PKP4: variants seen among roughly 807,000 people sequenced by gnomAD.
PKP4 encodes plakophilin-4.
A neutral mutation model predicts 145.1 loss-of-function variants in PKP4; 90 were observed. The observed-to-expected ratio is 0.62, with a 90% CI of 0.52 to 0.74. The LOEUF (loss-of-function observed/expected upper bound fraction) is 0.74. PKP4 is among the 30% of genes least tolerant of loss of function. The pLI is 0.00. For missense variants in PKP4, 1,340 were observed against 1,482.7 expected, an observed-to-expected ratio of 0.90 and a Z score of 1.58; for synonymous variants, 563 against 577.2, an observed-to-expected ratio of 0.98 and a Z score of 0.35.
intron 1 of PKP4, among the ~76,000 whole-genome samples, chr2:158,514,672 G>T (rs1201753319): frequency 6.6e-6 from 1 of 152,178 alleles, no homozygotes; most frequent in Non-Finnish European, 1.5e-5. Flanking sequence ...CGGGTGTGGT[G>T]GCTCACGCCT....
intron 2 of PKP4, among the ~76,000 whole-genome samples, chr2:158,567,174 T>C (rs2047058579): frequency 6.6e-6 from 1 of 152,160 alleles, no homozygotes; most frequent in South Asian, 2.1e-4. Context: ...AAATATAGAT[T>C]CCACTCTTCT....
intron 4 of PKP4, among the ~76,000 whole-genome samples, chr2:158,608,722 T>C: frequency 6.6e-6 from 1 of 152,076 alleles, no homozygotes; most frequent in East Asian, 1.9e-4. Context: ...ACATTTAAAT[T>C]GTAACCATGG....
intron 17 of PKP4, 100 bp from the exon 18 acceptor site, chr2:158,673,577 G>C: frequency 1.2e-6 from 1 of 850,176 alleles, no homozygotes. Context: ...GTGGCCCTGA[G>C]AGCGATGGCC....
chr2:158,495,490 A>G (rs1253678959), intron 1 of PKP4, among the ~76,000 whole-genome samples: 2 of 152,104 alleles, frequency 1.3e-5, no homozygotes, highest in Non-Finnish European at 2.9e-5. Flanking sequence ...TCTAAATATT[A>G]GTACATCAGA....
intron 1 of PKP4, among the ~76,000 whole-genome samples, chr2:158,520,706 G>GC (rs932894020): frequency 6.6e-6 from 1 of 152,226 alleles, no homozygotes; most frequent in African/African-American, 2.4e-5. Flanking sequence ...TGAGATCACA[G>GC]CCCCCTCTCT....
intron 3 of PKP4, among the ~76,000 whole-genome samples, chr2:158,601,223 A>AT (rs2050198771): frequency 6.6e-6 from 1 of 152,344 alleles, no homozygotes; most frequent in East Asian, 1.9e-4. Flanking sequence ...AGTTTTGAGG[A>AT]TAAAAAGTCT....
intron 2 of PKP4, 40 bp from the exon 3 acceptor site, chr2:158,577,231 C>A: frequency 7.8e-7 from 1 of 1,281,700 alleles, no homozygotes; most frequent in Non-Finnish European, 1.1e-6. Flanking sequence ...GAGCAGCATA[C>A]CTTGGCGCCT....
chr2:158,523,630 G>T (rs2042651196), intron 1 of PKP4, among the ~76,000 whole-genome samples: 1 of 131,098 alleles, frequency 7.6e-6, no homozygotes, highest in Non-Finnish European at 1.6e-5. Flanking sequence ...AAGCTGGATG[G>T]AGAATGACTT....
chr2:158,513,040 T>C (rs2041647512), intron 1 of PKP4, among the ~76,000 whole-genome samples: 1 of 152,310 alleles, frequency 6.6e-6, no homozygotes, highest in Admixed American at 6.5e-5. Context: ...TTGTTTTTAC[T>C]TCTCTGGGGA....
intron 1 of PKP4, among the ~76,000 whole-genome samples, chr2:158,496,759 CGTGTGTGTGTGTGTGTGTGTGTGT>C: frequency 1.4e-5 from 2 of 144,958 alleles, no homozygotes; most frequent in Non-Finnish European, 3.0e-5. Flanking sequence ...CTTCTCTCTC[CGTGTGTGTGTGTGTGTGTGTGTGT>C]GTGTGTGTGT....
intron 2 of PKP4, among the ~76,000 whole-genome samples, chr2:158,545,273 C>A (rs995411404): frequency 6.6e-6 from 1 of 151,964 alleles, no homozygotes; most frequent in Admixed American, 6.6e-5. Flanking sequence ...TTTCCTGTTC[C>A]CTTAGCTTTG....
At chr2:158,642,775 A>G (rs1160387725) in intron 11 of PKP4, 76 bp downstream of exon 11, 6 of 1,067,914 alleles carry the variant, frequency 5.6e-6, no homozygotes, top group East Asian at 4.8e-5. Context: ...TAGTGGCACT[A>G]TGGAAGAGTT....
intron 2 of PKP4, among the ~76,000 whole-genome samples, chr2:158,562,174 A>C (rs1161963488): frequency 6.6e-6 from 1 of 152,210 alleles, no homozygotes; most frequent in Non-Finnish European, 1.5e-5. Flanking sequence ...AATTTGGCTT[A>C]AGTTTTGTAT....
At chr2:158,573,410 A>G (rs1393512800) in intron 2 of PKP4, among the ~76,000 whole-genome samples, 1 of 152,156 alleles carries the variant, frequency 6.6e-6, no homozygotes, top group Non-Finnish European at 1.5e-5. Context: ...CTAGGGAGGG[A>G]AGAAAAGAGA....
chr2:158,546,792 A>C (rs1182161632), intron 2 of PKP4, among the ~76,000 whole-genome samples: 1 of 152,192 alleles, frequency 6.6e-6, no homozygotes, highest in East Asian at 1.9e-4. Flanking sequence ...GAAATGCTGA[A>C]ATCTCAAAGT....
rs922460785 is a variant in PKP4, at chr2:158,675,487, A to C, written c.3128-1252A>C. ...TGACCTTGTTTTCAGGACCCCTTAA[A>C]TATACCTGCTGGACAGTGTTGGCTA... On this transcript the variant is annotated intron_variant, in intron 19 of 21. Transcript: ENST00000389759. Among the ~76,000 whole-genome samples, 5 of 152,308 alleles carry C rather than the reference A, an allele frequency of 3.3e-5. No individual in the cohort carries two copies. In the East Asian group the frequency reaches 9.6e-4, roughly 29 times the overall value.
chr2:158,574,940 G>GC (rs2047719865), intron 2 of PKP4, among the ~76,000 whole-genome samples: 1 of 152,166 alleles, frequency 6.6e-6, no homozygotes, highest in Non-Finnish European at 1.5e-5. Flanking sequence ...CTCAAGAACT[G>GC]TAAATTGTTT....
chr2:158,604,540 C>G (rs1226139465), intron 4 of PKP4, among the ~76,000 whole-genome samples: 1 of 152,110 alleles, frequency 6.6e-6, no homozygotes, highest in Non-Finnish European at 1.5e-5. Context: ...TGTGTGAGAT[C>G]ATCTAGGCAA....
At chr2:158,679,566 A>T (rs551593749) in intron 21 of PKP4, among the ~76,000 whole-genome samples, 6 of 152,332 alleles carry the variant, frequency 3.9e-5, no homozygotes, top group African/African-American at 1.4e-4. Context: ...CTATGTGGTA[A>T]ATTTGTTACA....
Sources: allele counts gnomAD v4.1 joint callset (sites outside exome capture counted in the v4.1 genomes callset), GRCh38; gene constraint gnomAD v4.1.1; transcripts MANE v1.5; gene names NCBI Gene and HGNC (gene_info 2026-07-23, HGNC 2026-07-21).